The following CHLSN variants were observed in gnomAD, a reference collection of about 807,000 sequenced individuals.
CHLSN encodes the protein protein cholesin.
At chr7:1,077,435 G>A in the CHLSN span, among the ~76,000 whole-genome samples, 2 of 152,204 alleles carry the variant, frequency 1.3e-5, no homozygotes, top group Admixed American at 6.5e-5. Flanking sequence ...GATTACAGGC[G>A]TGAGCCACTG....
the CHLSN span, chr7:1,000,384 C>A: frequency 6.0e-6 from 7 of 1,171,120 alleles, no homozygotes; most frequent in South Asian, 8.6e-5. Flanking sequence ...GCCGTGCACA[C>A]ACCTCAGCCC....
At chr7:1,016,651 GCACAC>G in the CHLSN span, among the ~76,000 whole-genome samples, 2 of 82,546 alleles carry the variant, frequency 2.4e-5, 1 homozygote, top group Non-Finnish European at 4.8e-5. Context: ...GCGCACAGCA[GCACAC>G]AGCAGCGCAC....
the CHLSN span, among the ~76,000 whole-genome samples, chr7:1,132,785 T>C: frequency 6.7e-6 from 1 of 148,390 alleles, no homozygotes; most frequent in Admixed American, 6.7e-5. Flanking sequence ...GTAACTAGAA[T>C]ATATAAAGAC....
chr7:1,070,594 ACACACATG>A, the CHLSN span, among the ~76,000 whole-genome samples: 27 of 134,152 alleles, frequency 2.0e-4, no homozygotes, highest in Non-Finnish European at 2.9e-4. Context: ...ACGGACACGC[ACACACATG>A]CACACATGCA....
chr7:984,297 C>G, the CHLSN span: 1 of 1,371,120 alleles, frequency 7.3e-7, no homozygotes, highest in East Asian at 2.5e-5. Flanking sequence ...CCCCCTCCAC[C>G]TGCCCCCATT....
the CHLSN span, among the ~76,000 whole-genome samples, chr7:1,015,839 GTCA>G: frequency 7.4e-4 from 113 of 152,340 alleles, no homozygotes; most frequent in Admixed American, 3.1e-3. Context: ...GAGGCCAAAG[GTCA>G]TCGAGTGCTG....
the CHLSN span, among the ~76,000 whole-genome samples, chr7:1,018,231 T>A: frequency 1.3e-5 from 2 of 152,028 alleles, no homozygotes; most frequent in African/African-American, 4.8e-5. Flanking sequence ...AGTCAGGAAG[T>A]GAGAGCCGAG....
chr7:1,055,379 C>T, the CHLSN span: 22 of 470,574 alleles, frequency 4.7e-5, no homozygotes, highest in Admixed American at 3.1e-4. Context: ...CGCAGCAGCG[C>T]GCAGGTCCTC....
the CHLSN span, among the ~76,000 whole-genome samples, chr7:1,009,519 C>G: frequency 6.6e-6 from 1 of 152,168 alleles, no homozygotes; most frequent in Non-Finnish European, 1.5e-5. Context: ...ACCCTGTGCC[C>G]AGCACCCCAC....
the CHLSN span, among the ~76,000 whole-genome samples, chr7:1,053,320 G>A: frequency 2.6e-5 from 4 of 152,260 alleles, no homozygotes; most frequent in South Asian, 2.1e-4. Context: ...CGGGGGAGGG[G>A]CGTCCACAGT....
At chr7:1,016,908 G>A in the CHLSN span, among the ~76,000 whole-genome samples, 96 of 63,140 alleles carry the variant, frequency 1.5e-3, 1 homozygote, top group African/African-American at 7.6e-3. Flanking sequence ...AGCAGCACAC[G>A]CCAGCGCACA....
chr7:1,118,718 T>C, the CHLSN span, among the ~76,000 whole-genome samples: 1 of 144,622 alleles, frequency 6.9e-6, no homozygotes, highest in Non-Finnish European at 1.5e-5. Context: ...ATCAGGACTT[T>C]GGGAGGCCTG....
chr7:1,016,083 ACAG>A, the CHLSN span, among the ~76,000 whole-genome samples: 61 of 119,652 alleles, frequency 5.1e-4, 7 homozygotes, highest in Middle Eastern at 4.1e-3. Context: ...ACAGCAGCAC[ACAG>A]CAGCGCACAG....
chr7:1,094,127 C>A, the CHLSN span, among the ~76,000 whole-genome samples: 1 of 152,220 alleles, frequency 6.6e-6, no homozygotes, highest in Non-Finnish European at 1.5e-5. Flanking sequence ...GGCTCTCGGC[C>A]GCGTGCGAGG....
the CHLSN span, among the ~76,000 whole-genome samples, chr7:1,051,385 G>A: frequency 6.6e-6 from 1 of 152,248 alleles, no homozygotes; most frequent in East Asian, 1.9e-4. Flanking sequence ...AGCTCGTAAG[G>A]GGTGCAGCAG....
At chr7:1,080,514 G>A in the CHLSN span, among the ~76,000 whole-genome samples, 2 of 152,228 alleles carry the variant, frequency 1.3e-5, no homozygotes. Flanking sequence ...CCGCACGGCC[G>A]CCAGGTTGGG....
the CHLSN span, chr7:1,027,031 G>A: frequency 6.6e-6 from 1 of 152,210 alleles, no homozygotes; most frequent in African/African-American, 2.4e-5. Context: ...CAGGAGCCTG[G>A]AAGATGTTTG....
the CHLSN span, among the ~76,000 whole-genome samples, chr7:1,038,470 G>A: frequency 1.0e-5 from 1 of 97,362 alleles, no homozygotes. Context: ...CGCCCCGTCC[G>A]GGAGGGAGGT....
the CHLSN span, chr7:1,021,519 C>G: frequency 1.0e-6 from 1 of 985,310 alleles, no homozygotes. Flanking sequence ...AGCTGGGACC[C>G]CAGGGAGCAC....
Sources: allele counts gnomAD v4.1 joint callset (sites outside exome capture counted in the v4.1 genomes callset), GRCh38; gene constraint gnomAD v4.1.1; transcripts MANE v1.5; gene names NCBI Gene and HGNC (gene_info 2026-07-23, HGNC 2026-07-21).